The following ADGRV1 variants were observed in gnomAD, a reference collection of about 807,000 sequenced individuals.
ADGRV1 encodes the protein adhesion G protein-coupled receptor V1, also known as G-protein coupled receptor 98.
In ADGRV1, 359 loss-of-function variants were observed where a neutral mutation model predicts 596.2. That is an observed-to-expected ratio of 0.60 (90% CI 0.55 to 0.66). ADGRV1 has a LOEUF of 0.66. Ranked by LOEUF, ADGRV1 falls within the 30% of genes least tolerant of loss-of-function variation. The pLI, the probability that ADGRV1 is intolerant of heterozygous loss-of-function variation, is 0.00. For missense variants in ADGRV1, 7,274 were observed against 7,575.6 expected (o/e 0.96, Z 1.48); for synonymous variants, 2,681 against 2,679.2 (o/e 1.00, Z -0.02).
intron 85 of ADGRV1, among the ~76,000 whole-genome samples, chr5:91,047,456 T>C (rs889402541): frequency 6.6e-6 from 1 of 152,162 alleles, no homozygotes; most frequent in Non-Finnish European, 1.5e-5. Flanking sequence ...TGGAGTCTGA[T>C]GTTTGAAGAT....
In ADGRV1 at chr5:90,788,093, C is replaced by T; in HGVS notation, c.13676C>T (p.Pro4559Leu). 3 of 1,610,532 alleles carry T rather than the reference C, an allele frequency of 1.9e-6. No homozygotes were observed. Among genetic ancestry groups the T allele is most frequent in the Admixed American group, 3.3e-5 (2 of 59,898 alleles). The change falls in exon 68 of 90, where the codon CCC (proline) becomes CTC (leucine). Residue 4559 changes from proline to leucine, a missense_variant. Physicochemically the swap from Pro to Leu is moderately conservative, Grantham distance 98. Around this residue, in one of 5 missense-constraint regions of ADGRV1, gnomAD observed 3,643 missense variants for 3,809.2 expected, o/e 0.96. Transcript: ENST00000405460. ...EIQVNWETVGPNSQEALLPQN... is the reference protein window; with the variant it reads ...EIQVNWETVGLNSQEALLPQN... ...CAGGTGAACTGGGAGACAGTAGGAC[C>T]CAACTCTCAAGAAGCCTTACTGCCA...
At chr5:91,142,343 G>A (rs896102354) in intron 87 of ADGRV1, among the ~76,000 whole-genome samples, 1 of 152,152 alleles carries the variant, frequency 6.6e-6, no homozygotes, top group Non-Finnish European at 1.5e-5. Flanking sequence ...CAGCTTAAAG[G>A]AAGGTCTTCC....
chr5:90,784,013 T>C lies in ADGRV1; in HGVS notation c.13609T>C (p.Ser4537Pro), dbSNP rs1231964756. 8 of 1,612,954 alleles carry C rather than the reference T, an allele frequency of 5.0e-6. No homozygotes were observed. Among genetic ancestry groups the C allele is most frequent in the African/African-American group, 2.7e-5 (2 of 74,926 alleles). The change falls in exon 67 of 90, where the codon TCA (serine) becomes CCA (proline). Residue 4537 changes from serine (S) to proline (P), a missense_variant. This residue lies in a region of ADGRV1 where 3,643 missense variants were observed against 3,809.2 expected (regional missense o/e 0.96). Coordinates refer to ENST00000405460, the MANE Select transcript of ADGRV1 (RefSeq NM_032119.4). ...TAATCCCAATTCCACAATGATTTTA[T>C]CACTGGTGCTGGAGCGGACTGGAGG... ...IANPNSTMILSLVLERTGGLL... is the reference protein window; with the variant it reads ...IANPNSTMILPLVLERTGGLL...
intron 48 of ADGRV1, among the ~76,000 whole-genome samples, chr5:90,727,909 C>T (rs1325410099): frequency 1.3e-5 from 2 of 152,176 alleles, no homozygotes; most frequent in Non-Finnish European, 2.9e-5. Context: ...TTCCCAAATA[C>T]CTTCATAATT....
intron 84 of ADGRV1, among the ~76,000 whole-genome samples, chr5:90,971,432 G>A (rs1277593736): frequency 6.6e-6 from 1 of 151,320 alleles, no homozygotes; most frequent in African/African-American, 2.4e-5. Context: ...AGGAAAAAAT[G>A]TTAAGGGGCA....
chr5:91,138,517 T>C (rs978482904), intron 87 of ADGRV1, among the ~76,000 whole-genome samples: 1 of 152,164 alleles, frequency 6.6e-6, no homozygotes, highest in Non-Finnish European at 1.5e-5. Flanking sequence ...GTTTCACTGA[T>C]AAGAAAATAG....
rs866703323 is a variant in ADGRV1, at chr5:90,795,092, T to G, written c.14517+3746T>G. Among the ~76,000 whole-genome samples the G allele has an allele frequency of 4.3e-3, 642 of 149,930 alleles. 3 individuals are homozygous for G. The highest frequency in any genetic ancestry group is 0.015 in the African/African-American group (608 of 40,594). On this transcript the variant is annotated intron_variant, in intron 70 of 89. Coordinates refer to ENST00000405460, the MANE Select transcript of ADGRV1 (RefSeq NM_032119.4). Reference sequence around the variant, plus strand: ...CACCGATCTAGCTGCAGAAGTTTTTTTTTTTTTTTTTTTTTTTCCCTTACC... The same window carrying G: ...CACCGATCTAGCTGCAGAAGTTTTTGTTTTTTTTTTTTTTTTTCCCTTACC...
chr5:90,779,360 G>T, intron 64 of ADGRV1: 1 of 221,300 alleles, frequency 4.5e-6, no homozygotes, highest in Non-Finnish European at 8.9e-6. Flanking sequence ...TAGCCAGGAA[G>T]TTGAATATGA....
intron 83 of ADGRV1, among the ~76,000 whole-genome samples, chr5:90,909,316 C>A (rs1772624209): frequency 6.6e-6 from 1 of 152,160 alleles, no homozygotes; most frequent in Non-Finnish European, 1.5e-5. Flanking sequence ...TTTGACCATT[C>A]CAAAATGTTG....
At chr5:91,032,232 A>G (rs1192077870) in intron 85 of ADGRV1, among the ~76,000 whole-genome samples, 1 of 152,244 alleles carries the variant, frequency 6.6e-6, no homozygotes, top group Non-Finnish European at 1.5e-5. Flanking sequence ...TGTGGCTCCA[A>G]TAGAGTGAAT....
chr5:91,118,754 T>C (rs1047249820), intron 87 of ADGRV1, among the ~76,000 whole-genome samples: 1 of 152,172 alleles, frequency 6.6e-6, no homozygotes, highest in Middle Eastern at 3.2e-3. Context: ...AGCACTTTTT[T>C]TTTAAGACAC....
intron 87 of ADGRV1, among the ~76,000 whole-genome samples, chr5:91,125,288 G>A (rs1298565476): frequency 1.3e-5 from 2 of 152,086 alleles, no homozygotes; most frequent in African/African-American, 2.4e-5. Flanking sequence ...TACAAACAGT[G>A]GTCTCTAAAA....
At chr5:91,142,086 T>C (rs940331587) in intron 87 of ADGRV1, among the ~76,000 whole-genome samples, 1 of 152,158 alleles carries the variant, frequency 6.6e-6, no homozygotes, top group Non-Finnish European at 1.5e-5. Flanking sequence ...AAAAGTAGTA[T>C]TGAACAACTA....
At position 90,930,439 on chromosome 5, in the gene ADGRV1, C is replaced by T. The variant is rs1180834756; in HGVS notation, c.17857-34976C>T. 9.2e-5 allele frequency among the ~76,000 whole-genome samples: 14 copies of T among 152,230 alleles called. No individual in the cohort carries two copies. The East Asian group carries it at 1.5e-3, about 17-fold the overall frequency. On this transcript the variant is annotated intron_variant, in intron 83 of 89. Transcript: ENST00000405460. Reference sequence around the variant, plus strand: ...TTCCTACATAATCTAAAATTCATAACGACCAAATGGTAATACTTTTATTGC... The same window carrying T: ...TTCCTACATAATCTAAAATTCATAATGACCAAATGGTAATACTTTTATTGC...
At chr5:90,583,879 C>T (rs924121239) in intron 1 of ADGRV1, among the ~76,000 whole-genome samples, 6 of 152,158 alleles carry the variant, frequency 3.9e-5, no homozygotes, top group East Asian at 1.9e-4. Flanking sequence ...ATTTTTAATA[C>T]GATAGGTGCT....
At chr5:90,951,595 T>A (rs1213952327) in intron 83 of ADGRV1, among the ~76,000 whole-genome samples, 1 of 152,198 alleles carries the variant, frequency 6.6e-6, no homozygotes, top group Non-Finnish European at 1.5e-5. Context: ...GTACTATAGT[T>A]AATAATGTAT....
chr5:90,625,281 C>G lies in ADGRV1; in HGVS notation c.672+38C>G, dbSNP rs781626159. The G allele has an allele frequency of 3.0e-6, 4 of 1,317,984 alleles. No homozygotes were observed. In the South Asian group the frequency reaches 3.6e-5, roughly 12 times the overall value. The allele number at this position is 1,317,984 out of a possible 1,614,324, so 81.6% of individuals were successfully genotyped here. ...TACATACCCAAATGGGACAAGGATTCTGTGTTGCAGGACACAGTCCTGTAT... is the reference window on the plus strand; with the variant it reads ...TACATACCCAAATGGGACAAGGATTGTGTGTTGCAGGACACAGTCCTGTAT... On this transcript the variant is annotated intron_variant, in intron 6 of 89. Coordinates refer to ENST00000405460, the MANE Select transcript of ADGRV1 (RefSeq NM_032119.4).
intron 83 of ADGRV1, among the ~76,000 whole-genome samples, chr5:90,962,943 A>T (rs1778155139): frequency 2.0e-5 from 3 of 152,228 alleles, no homozygotes; most frequent in Admixed American, 2.0e-4. Flanking sequence ...CAAAGAAAAC[A>T]TATTGAAAAA....
chr5:91,107,406 A>G (rs1240436651), intron 87 of ADGRV1, among the ~76,000 whole-genome samples: 1 of 151,436 alleles, frequency 6.6e-6, no homozygotes, highest in Non-Finnish European at 1.5e-5. Flanking sequence ...AGGGAGGAGT[A>G]GGAATGTTTC....
Sources: allele counts gnomAD v4.1 joint callset (sites outside exome capture counted in the v4.1 genomes callset), GRCh38; gene constraint gnomAD v4.1.1; regional missense constraint gnomAD v4.1.1; transcripts MANE v1.5; gene names NCBI Gene and HGNC (gene_info 2026-07-23, HGNC 2026-07-21).